PTPRA: variants seen among roughly 807,000 people sequenced by gnomAD.
The protein encoded by PTPRA is protein tyrosine phosphatase receptor type A, also known as receptor-type tyrosine-protein phosphatase alpha.
PTPRA carries 25 observed loss-of-function variants against 104.8 expected under a neutral mutation model. The observed-to-expected ratio is 0.24, with a 90% confidence interval of 0.17 to 0.33. The LOEUF (loss-of-function observed/expected upper bound fraction) is 0.33, where lower values mean the gene tolerates loss of function less well. Among genes scored for constraint, PTPRA ranks in the 10% least tolerant of loss-of-function variants. The pLI is 1.00. For missense variants in PTPRA, 765 were observed against 1,015.3 expected (o/e 0.75, Z 3.35); for synonymous variants, 323 against 368.9 (o/e 0.88, Z 1.43).
At chr20:2,881,094 G>T (rs2090022436) in intron 1 of PTPRA, among the ~76,000 whole-genome samples, 1 of 151,724 alleles carries the variant, frequency 6.6e-6, no homozygotes, top group South Asian at 2.1e-4. Context: ...GGATCACAAG[G>T]TCAAGAGATC....
In PTPRA at chr20:2,928,158, C is replaced by T. The variant is rs929685475; in HGVS notation, c.-50+4873C>T. On this transcript the variant is annotated intron_variant, in intron 2 of 23. Coordinates refer to ENST00000399903, the MANE Select transcript of PTPRA (RefSeq NM_001385305.1). ...TGTTGTTGTTTGTTTGTTTTGGAGA[C>T]GGAGTCTCGCTCTGTTGCCCAGGCT... is the stretch of plus-strand genomic sequence containing the variant. Among the ~76,000 whole-genome samples the T allele has an allele frequency of 5.3e-5, 8 of 152,048 alleles. No individual in the cohort carries two copies. The East Asian group carries it at 5.8e-4, about 11-fold the overall frequency.
intron 2 of PTPRA, among the ~76,000 whole-genome samples, chr20:2,923,584 AG>A (rs2060178124): frequency 6.6e-6 from 1 of 151,908 alleles, no homozygotes; most frequent in East Asian, 1.9e-4. Flanking sequence ...AGATCACTTG[AG>A]GTCAGGAGTT....
intron 1 of PTPRA, among the ~76,000 whole-genome samples, chr20:2,912,628 A>C (rs945869429): frequency 6.6e-6 from 1 of 152,194 alleles, no homozygotes; most frequent in South Asian, 2.1e-4. Context: ...TGTCTCAAAA[A>C]CAGACAACGA....
In PTPRA at chr20:2,874,793, T is replaced by C. The variant is rs1184820676; in HGVS notation, c.-129+1033T>C. On this transcript the variant is annotated intron_variant, in intron 1 of 23. Transcript: ENST00000399903. ...AAGCCTAAAATGCCTTATCAGGTCATACAAAGCCCTTGACAATCTTGCCTC... is the reference window on the plus strand; with the variant it reads ...AAGCCTAAAATGCCTTATCAGGTCACACAAAGCCCTTGACAATCTTGCCTC... Among the ~76,000 whole-genome samples the C allele has an allele frequency of 3.3e-5, 5 of 152,182 alleles. No homozygotes were observed. The East Asian group carries it at 5.8e-4, about 18-fold the overall frequency.
chr20:2,996,719 G>A (rs2063410820), intron 9 of PTPRA, among the ~76,000 whole-genome samples: 1 of 152,048 alleles, frequency 6.6e-6, no homozygotes, highest in Non-Finnish European at 1.5e-5. Context: ...ATGAAAAGAA[G>A]ATCAACTATA....
At chr20:2,898,928 G>C (rs1024124972) in intron 1 of PTPRA, among the ~76,000 whole-genome samples, 1 of 152,182 alleles carries the variant, frequency 6.6e-6, no homozygotes, top group Non-Finnish European at 1.5e-5. Context: ...TTTTATCAGG[G>C]AACCCTGGTT....
Position 3,038,169 on chromosome 20 carries a change from T to G in PTPRA, c.*36T>G. On this transcript the variant is annotated 3_prime_UTR_variant, in exon 24 of 24. Transcript: ENST00000399903. ...GGGTCCGTGGACCAGGAGGATTGCC[T>G]TTAATATTTTGTAATATTCTGTTTT... 6.5e-7 allele frequency: 1 copy of G among 1,549,106 alleles called. No homozygotes were observed. The highest frequency in any genetic ancestry group is 8.9e-7 in the Non-Finnish European group (1 of 1,121,504).
chr20:3,033,929 G>T (rs2065664579), intron 20 of PTPRA, among the ~76,000 whole-genome samples: 1 of 150,042 alleles, frequency 6.7e-6, no homozygotes. Flanking sequence ...AATCCTCTTT[G>T]GTCTTCCAGA....
chr20:2,968,689 G>A (rs1036058466), intron 5 of PTPRA, among the ~76,000 whole-genome samples: 20 of 152,196 alleles, frequency 1.3e-4, no homozygotes, highest in Admixed American at 3.9e-4. Flanking sequence ...TGAAGCAGGA[G>A]GATCGCTTAA....
intron 9 of PTPRA, among the ~76,000 whole-genome samples, chr20:2,994,340 G>C (rs2063315107): frequency 6.6e-6 from 1 of 152,152 alleles, no homozygotes; most frequent in Non-Finnish European, 1.5e-5. Flanking sequence ...TGGTGGTCTA[G>C]TAGGCTGCCT....
chr20:2,867,272 T>C, the PTPRA span, among the ~76,000 whole-genome samples: 7 of 152,190 alleles, frequency 4.6e-5, no homozygotes. Flanking sequence ...ATGAGAAGTG[T>C]GTGGCCTGCG....
At chr20:2,965,838 G>A (rs2061926196) in intron 5 of PTPRA, among the ~76,000 whole-genome samples, 1 of 152,160 alleles carries the variant, frequency 6.6e-6, no homozygotes, top group Non-Finnish European at 1.5e-5. Flanking sequence ...TCAGAGACGT[G>A]GATCTGAGAC....
At chr20:3,010,033 A>G (rs1278568917) in intron 11 of PTPRA, among the ~76,000 whole-genome samples, 6 of 151,920 alleles carry the variant, frequency 3.9e-5, no homozygotes, top group Non-Finnish European at 8.8e-5. Context: ...TATTTTTAGT[A>G]GAGACGGTGT....
intron 5 of PTPRA, among the ~76,000 whole-genome samples, chr20:2,970,615 A>G (rs571351380): frequency 6.6e-5 from 10 of 152,322 alleles, no homozygotes; most frequent in Middle Eastern, 3.4e-3. Context: ...TGCCTATGGT[A>G]AAACTGCAAA....
In PTPRA at chr20:3,038,496, C is replaced by T. The variant is rs1216296966; in HGVS notation, c.*363C>T. The T allele has an allele frequency of 1.8e-5, 5 of 270,384 alleles. No individual in the cohort carries two copies. The highest frequency in any genetic ancestry group is 3.6e-5 in the Non-Finnish European group (5 of 139,282). 16.7% of individuals were successfully genotyped at this position (270,384 alleles called of 1,614,324 possible). On this transcript the variant is annotated 3_prime_UTR_variant, in exon 24 of 24. Coordinates refer to ENST00000399903, the MANE Select transcript of PTPRA (RefSeq NM_001385305.1). Reference sequence around the variant, plus strand: ...GAAAAAAAGCACAAAGTTCTCAGAGCTCTCGAGGAAAGTGGTTGTCCCCGT... The same window carrying T: ...GAAAAAAAGCACAAAGTTCTCAGAGTTCTCGAGGAAAGTGGTTGTCCCCGT...
At chr20:2,964,744 G>T in intron 4 of PTPRA, 117 bp from the exon 5 acceptor site, 1 of 876,264 alleles carries the variant, frequency 1.1e-6, no homozygotes, top group Non-Finnish European at 1.7e-6. Flanking sequence ...GAGGGGGATT[G>T]GTCTTTGCTT....
intron 3 of PTPRA, among the ~76,000 whole-genome samples, chr20:2,963,171 A>C (rs2061819582): frequency 6.6e-6 from 1 of 152,198 alleles, no homozygotes; most frequent in Admixed American, 6.5e-5. Flanking sequence ...ACATCAGTGC[A>C]ATCAGCCTAC....
intron 2 of PTPRA, among the ~76,000 whole-genome samples, chr20:2,939,726 T>C (rs1600143374): frequency 6.6e-6 from 1 of 152,200 alleles, no homozygotes; most frequent in East Asian, 1.9e-4. Context: ...TGTCCCCTGG[T>C]CCCTAGCCAA....
At chr20:2,912,947 C>T (rs919569707) in intron 1 of PTPRA, among the ~76,000 whole-genome samples, 6 of 151,988 alleles carry the variant, frequency 3.9e-5, no homozygotes, top group African/African-American at 1.5e-4. Flanking sequence ...CTTTTTTTGT[C>T]GTAATTGCAT....
Sources: gnomAD v4.1 joint callset for allele counts (sites outside exome capture counted in the v4.1 genomes callset) on GRCh38, gnomAD v4.1.1 for gene constraint, MANE v1.5 for transcripts, NCBI Gene and HGNC (gene_info 2026-07-23, HGNC 2026-07-21) for gene names.